Variants in CCDC102B observed in about 807,000 individuals in gnomAD.
CCDC102B encodes the protein coiled-coil domain-containing protein 102B.
Under a neutral mutation model 57.4 loss-of-function variants are expected in CCDC102B, and 75 were observed. The ratio of observed to expected loss-of-function variants is 1.31; its 90% CI spans 1.08 to 1.58. CCDC102B has a LOEUF of 1.58. CCDC102B is among the 40% of genes most tolerant of loss of function. The pLI is 0.00. For missense variants in CCDC102B, 636 were observed against 582.6 expected (o/e 1.09, Z -0.94); for synonymous variants, 206 against 201.9 (o/e 1.02, Z -0.17).
intron 2 of CCDC102B, among the ~76,000 whole-genome samples, chr18:68,790,089 A>G (rs372620839): frequency 0.18 from 25,084 of 139,420 alleles, 2,778 homozygotes; most frequent in East Asian, 0.35. Context: ...ATACCCTGCC[A>G]TGTGAGGTGT....
rs938404943 is a variant in CCDC102B, at chr18:68,815,709, G to C, written c.-16+17528G>C. ...ACACACACACACACACACACACACT[G>C]AACTCTGGTTTTCAAATAGTTTTGC... On this transcript the variant is annotated intron_variant, in intron 1 of 7. Transcript: ENST00000360242. 7.3e-3 allele frequency among the ~76,000 whole-genome samples: 840 copies of C among 115,598 alleles called. 8 individuals are homozygous for C. Among genetic ancestry groups the C allele is most frequent in the Non-Finnish European group, 6.4e-3 (381 of 59,462 alleles). The allele number at this position is 115,598 out of a possible 152,430, so 75.8% of individuals were successfully genotyped here.
chr18:69,017,393 T>G (rs964374966), intron 7 of CCDC102B, among the ~76,000 whole-genome samples: 17 of 152,180 alleles, frequency 1.1e-4, no homozygotes, highest in Non-Finnish European at 1.9e-4. Flanking sequence ...CCCAAAGTGC[T>G]GGGATTACAG....
intron 2 of CCDC102B, among the ~76,000 whole-genome samples, chr18:68,790,266 G>T (rs569251530): frequency 6.6e-6 from 1 of 151,864 alleles, no homozygotes; most frequent in South Asian, 2.1e-4. Flanking sequence ...GTCTGCAGAG[G>T]TTACTGCTGT....
chr18:68,741,508 G>C (rs2033380048), intron 2 of CCDC102B, among the ~76,000 whole-genome samples: 1 of 152,168 alleles, frequency 6.6e-6, no homozygotes, highest in South Asian at 2.1e-4. Context: ...TGAATGTGCT[G>C]ATGGGGATAG....
intron 4 of CCDC102B, among the ~76,000 whole-genome samples, chr18:68,860,924 C>T (rs565976888): frequency 6.1e-4 from 90 of 147,666 alleles, no homozygotes; most frequent in African/African-American, 2.2e-3. Context: ...ACAGTCCTGG[C>T]GCCCAACTGC....
rs1260199330 is a variant in CCDC102B, at chr18:68,857,165, TATATA to T, written c.936+10750_936+10754del. ...ATATATAAATATATTTATATATTTT[TATATA>T]ATATATAAAAATATATTTATATATT... On this transcript the variant is annotated intron_variant, in intron 4 of 7. Coordinates refer to ENST00000360242, the MANE Select transcript of CCDC102B (RefSeq NM_024781.3). Among the ~76,000 whole-genome samples the T allele has an allele frequency of 1.3e-3, 60 of 45,218 alleles. 4 individuals are homozygous for T. Among genetic ancestry groups the T allele is most frequent in the East Asian group, 5.7e-3 (3 of 528 alleles). The allele number at this position is 45,218 out of a possible 152,430, so 29.7% of individuals were successfully genotyped here.
At chr18:68,736,714 G>A (rs371554067) in intron 2 of CCDC102B, among the ~76,000 whole-genome samples, 77 of 152,144 alleles carry the variant, frequency 5.1e-4, no homozygotes, top group African/African-American at 1.7e-3. Flanking sequence ...AAACCCATCA[G>A]ATCTCATGAG....
chr18:68,830,171 T>C (rs1304484161), intron 1 of CCDC102B, among the ~76,000 whole-genome samples: 1 of 151,944 alleles, frequency 6.6e-6, no homozygotes, highest in Admixed American at 6.6e-5. Flanking sequence ...CGATATGAGG[T>C]TCTACAAGAT....
At chr18:68,979,420 A>C (rs2050520275) in intron 6 of CCDC102B, among the ~76,000 whole-genome samples, 1 of 152,050 alleles carries the variant, frequency 6.6e-6, no homozygotes, top group South Asian at 2.1e-4. Context: ...CATGAAACAA[A>C]AGCTTAAGAC....
At chr18:68,796,803 T>C (rs1011622319), upstream of CCDC102B, among the ~76,000 whole-genome samples, 3 of 145,756 alleles carry the variant, frequency 2.1e-5, no homozygotes, top group African/African-American at 7.7e-5. Flanking sequence ...TTGAGGTGAG[T>C]TAGAAAAATT....
At chr18:68,745,027 G>A (rs1415815444) in intron 2 of CCDC102B, among the ~76,000 whole-genome samples, 1 of 152,160 alleles carries the variant, frequency 6.6e-6, no homozygotes, top group African/African-American at 2.4e-5. Flanking sequence ...AGAATGCAAA[G>A]CTGAGCACCA....
At chr18:69,048,278 G>T (rs1410935679) in intron 7 of CCDC102B, among the ~76,000 whole-genome samples, 4 of 151,492 alleles carry the variant, frequency 2.6e-5, no homozygotes, top group African/African-American at 9.7e-5. Flanking sequence ...AAAATAAGTT[G>T]AGGGTCCAGA....
At chr18:68,814,732 A>G (rs947492307) in intron 1 of CCDC102B, among the ~76,000 whole-genome samples, 1 of 152,120 alleles carries the variant, frequency 6.6e-6, no homozygotes, top group Admixed American at 6.6e-5. Flanking sequence ...TTTGAAAAAT[A>G]TAAATAGTCC....
chr18:68,863,969 C>T lies in CCDC102B; in HGVS notation c.937-10700C>T, dbSNP rs534294809. Among the ~76,000 whole-genome samples the T allele has an allele frequency of 3.6e-4, 55 of 151,998 alleles. No individual in the cohort carries two copies. In the Middle Eastern group the frequency reaches 0.01, roughly 28 times the overall value. On this transcript the variant is annotated intron_variant, in intron 4 of 7. Transcript: ENST00000360242. Reference sequence around the variant, plus strand: ...GTTTCAGACCTGGGTAAATCAATTTCTTTAGAGTCCAGGGTTCTTTCAGTG... The same window carrying T: ...GTTTCAGACCTGGGTAAATCAATTTTTTTAGAGTCCAGGGTTCTTTCAGTG...
intron 4 of CCDC102B, among the ~76,000 whole-genome samples, chr18:68,846,909 C>T (rs756901224): frequency 1.6e-4 from 24 of 151,720 alleles, no homozygotes; most frequent in Non-Finnish European, 3.1e-4. Context: ...TTCATATCGA[C>T]ATTGTAGTTA....
chr18:69,009,438 A>T (rs986371842), intron 6 of CCDC102B, among the ~76,000 whole-genome samples: 1 of 152,110 alleles, frequency 6.6e-6, no homozygotes, highest in South Asian at 2.1e-4. Flanking sequence ...AATATCTATA[A>T]TTTTGTCAGG....
chr18:68,974,475 A>C (rs560428302), intron 6 of CCDC102B, among the ~76,000 whole-genome samples: 9 of 152,144 alleles, frequency 5.9e-5, no homozygotes, highest in African/African-American at 2.2e-4. Flanking sequence ...TTTTAATATT[A>C]TTTTAATATC....
At chr18:68,751,517 G>T (rs1332561057) in intron 2 of CCDC102B, among the ~76,000 whole-genome samples, 1 of 152,054 alleles carries the variant, frequency 6.6e-6, no homozygotes, top group Non-Finnish European at 1.5e-5. Context: ...GCCCTGAATA[G>T]ATAGCAAAAA....
chr18:68,977,553 C>G (rs570703758), intron 6 of CCDC102B, among the ~76,000 whole-genome samples: 3 of 149,582 alleles, frequency 2.0e-5, no homozygotes, highest in African/African-American at 7.4e-5. Flanking sequence ...TAAACTATAG[C>G]ACTAAAAAAA....
Sources: allele counts gnomAD v4.1 joint callset (sites outside exome capture counted in the v4.1 genomes callset), GRCh38; gene constraint gnomAD v4.1.1; transcripts MANE v1.5; gene names NCBI Gene and HGNC (gene_info 2026-07-23, HGNC 2026-07-21).